The following CEP128 variants were observed in gnomAD, a reference collection of about 807,000 sequenced individuals.
CEP128 encodes the protein centrosomal protein 128, also known as centrosomal protein 128kDa.
A neutral mutation model predicts 156.7 loss-of-function variants in CEP128; 132 were observed. That is an observed-to-expected ratio of 0.84 (90% CI 0.73 to 0.97). The LOEUF (loss-of-function observed/expected upper bound fraction) is 0.97, where lower values mean the gene tolerates loss of function less well. Among genes scored for constraint, CEP128 ranks in the 50% least tolerant of loss-of-function variants. CEP128 has a pLI of 0.00. For missense variants in CEP128, 1,252 were observed against 1,281.9 expected (o/e 0.98, Z 0.36); for synonymous variants, 469 against 448.9 (o/e 1.04, Z -0.57).
chr14:80,487,637 C>G (rs1019962166), downstream of CEP128, among the ~76,000 whole-genome samples: 1 of 152,162 alleles, frequency 6.6e-6, no homozygotes, highest in African/African-American at 2.4e-5. Flanking sequence ...TAAAGCACTC[C>G]TCAGCAAATG....
At chr14:80,905,870 G>A in intron 5 of CEP128, 85 bp downstream of exon 5, 9 of 1,310,270 alleles carry the variant, frequency 6.9e-6, no homozygotes, top group South Asian at 2.5e-5. Context: ...GTTATGTGTG[G>A]GTCATATTTC....
intron 19 of CEP128, among the ~76,000 whole-genome samples, chr14:80,637,098 AAAAG>A (rs561379631): frequency 0.083 from 7,911 of 95,324 alleles, 667 homozygotes; most frequent in African/African-American, 0.33. Flanking sequence ...AAAAAAAAAA[AAAAG>A]AAAAGAAAAT....
chr14:80,607,801 A>G (rs990956496), intron 19 of CEP128, among the ~76,000 whole-genome samples: 11 of 152,154 alleles, frequency 7.2e-5, no homozygotes, highest in Non-Finnish European at 1.5e-4. Context: ...TTTCAACACC[A>G]TTACTTTTTA....
At chr14:80,657,472 G>A (rs985798407) in intron 19 of CEP128, among the ~76,000 whole-genome samples, 4 of 151,576 alleles carry the variant, frequency 2.6e-5, no homozygotes, top group Admixed American at 6.6e-5. Context: ...TCAACATGGC[G>A]AAACTCTGTC....
chr14:80,733,383 T>TGTGTGC (rs1262605615), intron 19 of CEP128, among the ~76,000 whole-genome samples: 1 of 142,860 alleles, frequency 7.0e-6, no homozygotes, highest in Admixed American at 6.9e-5. Flanking sequence ...TGTGTGTGTG[T>TGTGTGC]ATTTGTGTGT....
chr14:80,935,684 C>A (rs1885764672), intron 2 of CEP128, among the ~76,000 whole-genome samples: 1 of 101,994 alleles, frequency 9.8e-6, no homozygotes, highest in Non-Finnish European at 1.9e-5. Context: ...CACACATGAG[C>A]TAGCTTAAGT....
chr14:80,532,632 T>C (rs1394839045), intron 21 of CEP128, among the ~76,000 whole-genome samples: 1 of 152,168 alleles, frequency 6.6e-6, no homozygotes, highest in East Asian at 1.9e-4. Context: ...CTGTGCTAAT[T>C]ACTCCAATGC....
chr14:80,716,945 T>C (rs116185864), intron 19 of CEP128, among the ~76,000 whole-genome samples: 2,067 of 152,320 alleles, frequency 0.014, 57 homozygotes, highest in African/African-American at 0.047. Context: ...GTAGTATCTC[T>C]TTGAGGCTTT....
At chr14:80,852,085 T>C (rs1886921287) in intron 9 of CEP128, among the ~76,000 whole-genome samples, 1 of 152,042 alleles carries the variant, frequency 6.6e-6, no homozygotes, top group South Asian at 2.1e-4. Context: ...TATATATGTG[T>C]GTGTGTATGT....
At chr14:80,811,739 T>C (rs1296406878) in intron 13 of CEP128, among the ~76,000 whole-genome samples, 1 of 151,146 alleles carries the variant, frequency 6.6e-6, no homozygotes, top group African/African-American at 2.4e-5. Flanking sequence ...GTATGTATTA[T>C]CCAGATAGAC....
intron 13 of CEP128, among the ~76,000 whole-genome samples, chr14:80,826,941 C>T (rs903744009): frequency 1.3e-5 from 2 of 152,032 alleles, no homozygotes; most frequent in East Asian, 3.9e-4. Flanking sequence ...CTTGAGTTTA[C>T]AAGAAGGGAA....
chr14:80,866,729 G>A (rs2140173543), intron 8 of CEP128, among the ~76,000 whole-genome samples: 1 of 152,238 alleles, frequency 6.6e-6, no homozygotes. Context: ...AAATGATCAG[G>A]GAAACATGGT....
At chr14:80,570,747 T>A (rs200057503) in intron 20 of CEP128, among the ~76,000 whole-genome samples, 1 of 151,920 alleles carries the variant, frequency 6.6e-6, no homozygotes. Flanking sequence ...TTCTTTTTTT[T>A]ATTAGCATCA....
At chr14:80,833,124 A>G (rs12432357) in intron 12 of CEP128, among the ~76,000 whole-genome samples, 49,360 of 151,858 alleles carry the variant, frequency 0.33, 8,886 homozygotes, top group Non-Finnish European at 0.4. Context: ...GTACATATTT[A>G]TCTATTTGTA....
At chr14:80,827,518 A>C (rs894110706) in intron 13 of CEP128, among the ~76,000 whole-genome samples, 2 of 152,214 alleles carry the variant, frequency 1.3e-5, no homozygotes, top group Non-Finnish European at 2.9e-5. Flanking sequence ...ACTGAGCATC[A>C]GAGCGAAAGC....
intron 21 of CEP128, among the ~76,000 whole-genome samples, chr14:80,557,414 C>G (rs1187502745): frequency 1.3e-5 from 2 of 152,072 alleles, no homozygotes; most frequent in African/African-American, 2.4e-5. Context: ...ATGAAGGAAA[C>G]AAGAAAGAAG....
chr14:80,636,893 C>T (rs1182123066), intron 19 of CEP128, among the ~76,000 whole-genome samples: 2 of 152,010 alleles, frequency 1.3e-5, no homozygotes, highest in Non-Finnish European at 1.5e-5. Context: ...TCGAGACCAG[C>T]CTGACCAACG....
chr14:80,508,165 C>G (rs1888071754), intron 23 of CEP128, among the ~76,000 whole-genome samples: 2 of 152,150 alleles, frequency 1.3e-5, no homozygotes. Context: ...ATCCACCTGC[C>G]TTGGCCCCCC....
rs148371106 is a variant in CEP128, at chr14:80,635,520, A to G, written c.2807-55097T>C. ...ACTTGTTATATAGTCCTTGAGGCTA[A>G]AATTTACGCTGCAAGAAGAGTTTCT... is the stretch of plus-strand genomic sequence containing the variant. On this transcript the variant is annotated intron_variant, in intron 19 of 24. Coordinates refer to ENST00000555265, the MANE Select transcript of CEP128 (RefSeq NM_152446.5). Among the ~76,000 whole-genome samples the G allele has an allele frequency of 4.7e-3, 719 of 152,296 alleles. 2 individuals carry two copies. Among genetic ancestry groups the G allele is most frequent in the African/African-American group, 0.017 (687 of 41,562 alleles).
Sources: allele counts gnomAD v4.1 joint callset (sites outside exome capture counted in the v4.1 genomes callset), GRCh38; gene constraint gnomAD v4.1.1; transcripts MANE v1.5; gene names NCBI Gene and HGNC (gene_info 2026-07-23, HGNC 2026-07-21).